Variants in PRRC2C observed in about 807,000 individuals in gnomAD.
The protein encoded by PRRC2C is protein PRRC2C.
A neutral mutation model predicts 317.2 loss-of-function variants in PRRC2C; 72 were observed. The ratio of observed to expected loss-of-function variants is 0.23; its 90% confidence interval spans 0.19 to 0.28. The LOEUF is 0.28. Ranked by LOEUF, PRRC2C falls within the 10% of genes least tolerant of loss-of-function variation. The pLI, the probability that PRRC2C is intolerant of heterozygous loss-of-function variation, is 1.00. For synonymous variants in PRRC2C, 1,296 were observed against 1,205.9 expected (o/e 1.07, Z -1.55); for missense variants, 3,074 against 3,459.7 (o/e 0.89, Z 2.80).
At chr1:171,524,394 C>T (rs1674180702) in intron 9 of PRRC2C, among the ~76,000 whole-genome samples, 3 of 152,020 alleles carry the variant, frequency 2.0e-5, no homozygotes, top group Non-Finnish European at 2.9e-5. Context: ...TGACAAACAT[C>T]GTTTTATGAT....
At chr1:171,486,273 T>C (rs898657051) in intron 1 of PRRC2C, among the ~76,000 whole-genome samples, 2 of 152,006 alleles carry the variant, frequency 1.3e-5, no homozygotes, top group Non-Finnish European at 2.9e-5. Context: ...GATGAGAGGC[T>C]CTTCGGGGAA....
intron 1 of PRRC2C, among the ~76,000 whole-genome samples, chr1:171,486,678 T>G (rs1666184531): frequency 6.6e-6 from 1 of 152,192 alleles, no homozygotes; most frequent in South Asian, 2.1e-4. Context: ...TCATACCTCG[T>G]TAGAGTACTT....
chr1:171,589,616 T>G lies in PRRC2C; in HGVS notation c.8436+11T>G. ...GAACAAGACATGAAGGTTAGTACAG[T>G]GTTAACAGCCAACAGATCAAGAATC... On this transcript the variant is annotated intron_variant, in intron 34 of 34. Transcript: ENST00000647382. 1 of 1,281,872 alleles carries G rather than the reference T, an allele frequency of 7.8e-7. No homozygotes were observed. The highest frequency in any genetic ancestry group is 1.0e-6 in the Non-Finnish European group (1 of 981,750). The allele number at this position is 1,281,872 out of a possible 1,614,324, so 79.4% of individuals were successfully genotyped here.
chr1:171,501,431 G>A (rs1669100356), intron 1 of PRRC2C, among the ~76,000 whole-genome samples: 2 of 152,146 alleles, frequency 1.3e-5, no homozygotes, highest in Admixed American at 6.5e-5. Context: ...ACTCCCAGCT[G>A]AGGTGTACCT....
At position 171,523,311 on chromosome 1, in the gene PRRC2C, T is replaced by C. The variant is rs1320923316; in HGVS notation, c.924T>C (p.Asp308=). The change falls in exon 8 of 35, where the codon GAT becomes GAC. Residue 308 remains aspartate (D), a synonymous_variant. Transcript: ENST00000647382. Reference sequence around the variant, plus strand: ...GTGCATCAGAACTGAAGGAGCTTGATAAATTTGATAACCTAGATGCTGAAG... The same window carrying C: ...GTGCATCAGAACTGAAGGAGCTTGACAAATTTGATAACCTAGATGCTGAAG... The part of the protein sequence containing the change: ...ILSASELKEL[D]KFDNLDAEAD... The C allele has an allele frequency of 1.9e-6, 3 of 1,613,850 alleles. No individual in the cohort carries two copies. Among genetic ancestry groups the C allele is most frequent in the African/African-American group, 2.7e-5 (2 of 74,924 alleles).
At chr1:171,554,718 C>G (rs762665929) in intron 18 of PRRC2C, among the ~76,000 whole-genome samples, 2 of 152,142 alleles carry the variant, frequency 1.3e-5, no homozygotes, top group Non-Finnish European at 2.9e-5. Flanking sequence ...CCTTCACTTA[C>G]GAAGCTTAGT....
In PRRC2C at chr1:171,532,436, A is replaced by G; in HGVS notation, c.1348A>G (p.Arg450Gly). 1 of 1,613,964 alleles carries G rather than the reference A, an allele frequency of 6.2e-7. No individual in the cohort carries two copies. Among genetic ancestry groups the G allele is most frequent in the Non-Finnish European group, 8.5e-7 (1 of 1,179,884 alleles). Reference sequence around the variant, plus strand: ...TGATGAAGATGAAATATGGAAGCAAAGACGAAGACAACAATCAGAAATTTC... The same window carrying G: ...TGATGAAGATGAAATATGGAAGCAAGGACGAAGACAACAATCAGAAATTTC... Reference protein sequence around the residue: ...VADEDEIWKQRRRQQSEISAA... With the variant: ...VADEDEIWKQGRRQQSEISAA... The change falls in exon 12 of 35, where the codon AGA becomes GGA. Residue 450 changes from arginine (R) to glycine (G), a missense_variant. Physicochemically the swap from Arg to Gly is moderately radical, Grantham distance 125. This residue lies in a region of PRRC2C where 1,320 missense variants were observed against 1,395.7 expected (regional missense o/e 0.95). Transcript: ENST00000647382.
At chr1:171,517,457 TAGG>T in intron 5 of PRRC2C, 131 bp from the exon 6 acceptor site, 1 of 790,072 alleles carries the variant, frequency 1.3e-6, no homozygotes, top group South Asian at 1.9e-5. Flanking sequence ...AAAGCATTAG[TAGG>T]ACCTGGATTA....
At chr1:171,591,287 T>C (rs1651354729) in intron 34 of PRRC2C, 1 of 950,352 alleles carries the variant, frequency 1.1e-6, no homozygotes, top group African/African-American at 1.7e-5. Context: ...GTTACATGTA[T>C]GTTTTTAGAT....
intron 18 of PRRC2C, among the ~76,000 whole-genome samples, chr1:171,554,744 A>G (rs995212795): frequency 6.6e-6 from 1 of 152,176 alleles, no homozygotes; most frequent in Non-Finnish European, 1.5e-5. Context: ...TGCATATGAA[A>G]TTCTGGGTTG....
chr1:171,562,636 A>G (rs1682913683), intron 20 of PRRC2C, among the ~76,000 whole-genome samples: 1 of 152,184 alleles, frequency 6.6e-6, no homozygotes, highest in Non-Finnish European at 1.5e-5. Flanking sequence ...GTTAGCTCCA[A>G]AGTTTTTGGG....
At chr1:171,556,730 A>G (rs1315989433) in intron 18 of PRRC2C, among the ~76,000 whole-genome samples, 3 of 152,396 alleles carry the variant, frequency 2.0e-5, no homozygotes, top group Middle Eastern at 3.4e-3. Flanking sequence ...AAAAGTATCT[A>G]TTGTAATTTA....
intron 23 of PRRC2C, among the ~76,000 whole-genome samples, chr1:171,570,977 G>A (rs1684683770): frequency 6.6e-6 from 1 of 152,110 alleles, no homozygotes; most frequent in Non-Finnish European, 1.5e-5. Flanking sequence ...TAGACCAATT[G>A]AATCAAAATC....
chr1:171,512,224 A>G (rs1049472592), intron 2 of PRRC2C, 24 bp downstream of exon 2: 1 of 1,440,234 alleles, frequency 6.9e-7, no homozygotes, highest in Non-Finnish European at 9.6e-7. Context: ...AGTGACACTT[A>G]TGTTTTTCAT....
intron 11 of PRRC2C, among the ~76,000 whole-genome samples, chr1:171,529,603 A>G (rs754334388): frequency 6.6e-6 from 1 of 152,108 alleles, no homozygotes; most frequent in Non-Finnish European, 1.5e-5. Flanking sequence ...ACCACCTTTT[A>G]TATTTCCTTT....
chr1:171,589,747 CTT>C (rs1257075790), intron 34 of PRRC2C, 142 bp downstream of exon 34: 1 of 360,256 alleles, frequency 2.8e-6, no homozygotes, highest in Non-Finnish European at 4.7e-6. Flanking sequence ...TTCATTCCCC[CTT>C]TTTTTTCTTT....
chr1:171,543,364 G>T (rs1273690247), intron 16 of PRRC2C, among the ~76,000 whole-genome samples: 3 of 151,306 alleles, frequency 2.0e-5, no homozygotes, highest in Middle Eastern at 3.4e-3. Flanking sequence ...AGCTAGTATT[G>T]ATTTATTTAT....
chr1:171,552,096 A>G (rs1037868661), intron 18 of PRRC2C, among the ~76,000 whole-genome samples: 1 of 152,222 alleles, frequency 6.6e-6, no homozygotes, highest in Non-Finnish European at 1.5e-5. Context: ...ATCCATGAGC[A>G]TGGAATGTTC....
Position 171,532,851 on chromosome 1 carries a change from A to G in PRRC2C, c.1763A>G (p.Glu588Gly), listed in dbSNP as rs765104696. Reference sequence around the variant, plus strand: ...CAAAAGATGAAAGAACAAGAAAAGGAATGTGAGCTGGAGAAGGAAAGGGAA... The same window carrying G: ...CAAAAGATGAAAGAACAAGAAAAGGGATGTGAGCTGGAGAAGGAAAGGGAA... The part of the protein sequence containing the change: ...ELQKMKEQEK[E>G]CELEKEREKL... Residue 588 changes from glutamate (E) to glycine (G), a missense_variant, in exon 12 of 35, where the codon GAA (glutamate) becomes GGA (glycine). Physicochemically the swap from Glu to Gly is moderately conservative, Grantham distance 98. Transcript: ENST00000647382. 1.2e-5 allele frequency: 20 copies of G among 1,602,728 alleles called. No individual in the cohort carries two copies. The Admixed American group carries it at 3.5e-4, about 28-fold the overall frequency.
Sources: allele counts gnomAD v4.1 joint callset (sites outside exome capture counted in the v4.1 genomes callset), GRCh38; gene constraint gnomAD v4.1.1; regional missense constraint gnomAD v4.1.1; transcripts MANE v1.5; gene names NCBI Gene and HGNC (gene_info 2026-07-23, HGNC 2026-07-21).